IFT122: variants seen among roughly 807,000 people sequenced by gnomAD.
IFT122 encodes the protein intraflagellar transport protein 122 homolog.
In IFT122, 118 loss-of-function variants were observed where a neutral mutation model predicts 161.6. The ratio of observed to expected loss-of-function variants is 0.73; its 90% CI spans 0.63 to 0.85. IFT122 has a LOEUF of 0.85. Ranked by LOEUF, IFT122 falls within the 40% of genes least tolerant of loss-of-function variation. The probability of loss-of-function intolerance (pLI) is 0.00; values close to 1 mark genes in which losing one functional copy is unlikely to be tolerated. For synonymous variants in IFT122, 550 were observed against 602.4 expected, an observed-to-expected ratio of 0.91 and a Z score of 1.27; for missense variants, 1,381 against 1,579.6, an observed-to-expected ratio of 0.87 and a Z score of 2.13.
rs746129224 is a variant in IFT122 at position 129,514,414 on chromosome 3, C to A, written c.3013C>A (p.Gln1005Lys). ...GAAAATACTCTTCACCTTGGCCAAGCAGAGCAAGGCCCTCGGTGCCTACAG... is the reference window on the plus strand; with the variant it reads ...GAAAATACTCTTCACCTTGGCCAAGAAGAGCAAGGCCCTCGGTGCCTACAG... Reference protein sequence around the residue: ...KVKILFTLAKQSKALGAYRLA... With the variant: ...KVKILFTLAKKSKALGAYRLA... Residue 1005 changes from glutamine (Q) to lysine (K), a missense_variant, in exon 25 of 30, where the codon CAG (glutamine) becomes AAG (lysine). This residue lies in a region of IFT122 where 496 missense variants were observed against 502.5 expected (regional missense o/e 0.99). Coordinates refer to ENST00000348417, the MANE Select transcript of IFT122 (RefSeq NM_052989.3). 1.9e-6 allele frequency: 3 copies of A among 1,614,056 alleles called. No individual in the cohort carries two copies.
At chr3:129,507,609 A>G in intron 22 of IFT122, 59 bp from the exon 23 acceptor site, 2 of 1,349,606 alleles carry the variant, frequency 1.5e-6, no homozygotes, top group Non-Finnish European at 2.1e-6. Flanking sequence ...TCCTGGGGCC[A>G]GTTGGCAGCC....
At chr3:129,495,862 G>A (rs2080777671) in intron 18 of IFT122, among the ~76,000 whole-genome samples, 1 of 152,240 alleles carries the variant, frequency 6.6e-6, no homozygotes, top group Non-Finnish European at 1.5e-5. Flanking sequence ...AGGGCTGGAT[G>A]GCTGTGGGTC....
intron 9 of IFT122, among the ~76,000 whole-genome samples, chr3:129,470,207 CAG>C (rs922524763): frequency 5.3e-5 from 8 of 152,168 alleles, no homozygotes; most frequent in African/African-American, 1.7e-4. Flanking sequence ...GACCTGAAAA[CAG>C]AGCTGAAGAG....
At chr3:129,506,583 A>G (rs2082212959) in intron 22 of IFT122, 34 bp downstream of exon 22, 1 of 1,613,926 alleles carries the variant, frequency 6.2e-7, no homozygotes, top group Admixed American at 1.7e-5. Context: ...CTGTTTTCCC[A>G]AGCCCCACTC....
intron 3 of IFT122, among the ~76,000 whole-genome samples, chr3:129,454,552 T>TGTGTGTGTGTGC (rs2075248147): frequency 1.3e-5 from 2 of 151,214 alleles, no homozygotes; most frequent in Non-Finnish European, 2.9e-5. Flanking sequence ...TGTGTGTGTG[T>TGTGTGTGTGTGC]GTGTGCATGT....
rs2285351 is a variant in IFT122, at chr3:129,469,237, C to T, written c.741-105C>T. On this transcript the variant is annotated intron_variant, in intron 8 of 29. Coordinates refer to ENST00000348417, the MANE Select transcript of IFT122 (RefSeq NM_052989.3). ...TTCAGTAAAGCTGTACAACATTTGG[C>T]AACCTGAGGCCAGGACTTCCTTGTT... The T allele has an allele frequency of 0.04, 40,030 of 1,008,242 alleles. 4,614 individuals are homozygous for T. The highest frequency in any genetic ancestry group is 0.38 in the East Asian group (15,410 of 40,916). 62.5% of individuals were successfully genotyped at this position (1,008,242 alleles called of 1,614,324 possible). A position where few individuals can be genotyped will look rare whatever the true frequency, so the allele number is the denominator to read the frequency against.
Position 129,495,519 on chromosome 3 carries a change from A to T in IFT122, c.2120A>T (p.His707Leu). The T allele has an allele frequency of 1.2e-6, 2 of 1,614,224 alleles. No individual in the cohort carries two copies. The highest frequency in any genetic ancestry group is 1.7e-6 in the Non-Finnish European group (2 of 1,180,044). Reference protein sequence around the residue: ...ADVFSYQGKFHEAAKLYKRSG... With the variant: ...ADVFSYQGKFLEAAKLYKRSG... ...GTGTTTTCCTACCAGGGGAAGTTCC[A>T]TGAGGCCGCCAAACTGTACAAGAGG... Residue 707 changes from histidine to leucine, a missense_variant, in exon 18 of 30, where the codon CAT (histidine) becomes CTT (leucine). By Grantham distance (99) the His-to-Leu change is moderately conservative (BLOSUM62 -3). This residue lies in a region of IFT122 where 496 missense variants were observed against 502.5 expected (regional missense o/e 0.99). Coordinates refer to ENST00000348417, the MANE Select transcript of IFT122 (RefSeq NM_052989.3).
chr3:129,461,207 C>A, intron 4 of IFT122, 21 bp from the exon 5 acceptor site: 2 of 1,585,548 alleles, frequency 1.3e-6, no homozygotes, highest in Non-Finnish European at 1.7e-6. Context: ...GCATAGTAAT[C>A]TACAGTTGTT....
intron 19 of IFT122, 66 bp from the exon 20 acceptor site, chr3:129,502,645 T>G (rs1052685928): frequency 3.8e-6 from 6 of 1,569,884 alleles, no homozygotes; most frequent in Non-Finnish European, 4.3e-6. Context: ...ACAGAATGAA[T>G]GGACATACGG....
At chr3:129,502,429 G>A (rs1188326193) in intron 19 of IFT122, among the ~76,000 whole-genome samples, 1 of 152,182 alleles carries the variant, frequency 6.6e-6, no homozygotes, top group Non-Finnish European at 1.5e-5. Context: ...CTGGGTACCT[G>A]GTAGGGGATT....
At chr3:129,502,998 G>C in intron 20 of IFT122, 116 bp downstream of exon 20, 1 of 927,948 alleles carries the variant, frequency 1.1e-6, no homozygotes. Flanking sequence ...CGTGATGGAA[G>C]GAACATTGGG....
intron 9 of IFT122, among the ~76,000 whole-genome samples, chr3:129,470,361 T>TCACGCCATTCTCCTACCTC (rs2077235787): frequency 6.6e-6 from 1 of 152,062 alleles, no homozygotes; most frequent in Non-Finnish European, 1.5e-5. Flanking sequence ...CCTCCTGGGT[T>TCACGCCATTCTCCTACCTC]CACGCCATTC....
chr3:129,514,226 C>T (rs2083185656), intron 24 of IFT122, 163 bp from the exon 25 acceptor site: 2 of 768,672 alleles, frequency 2.6e-6, no homozygotes, highest in Non-Finnish European at 4.5e-6. Flanking sequence ...CCGAGAAGTA[C>T]ACTCACCTCT....
intron 3 of IFT122, among the ~76,000 whole-genome samples, chr3:129,452,633 G>A (rs1241045419): frequency 6.6e-6 from 1 of 152,212 alleles, no homozygotes; most frequent in African/African-American, 2.4e-5. Context: ...ATCGGGAATT[G>A]TAGAGGATGA....
intron 12 of IFT122, 129 bp from the exon 13 acceptor site, chr3:129,479,656 A>G (rs1370170521): frequency 5.0e-5 from 58 of 1,167,550 alleles, no homozygotes; most frequent in South Asian, 2.4e-4. Context: ...TGGGGTCTAC[A>G]TTGGGTTAGA....
At position 129,504,339 on chromosome 3, in the gene IFT122, G is replaced by C; in HGVS notation, c.2568G>C (p.Lys856Asn). The C allele has an allele frequency of 6.2e-7, 1 of 1,613,962 alleles. No homozygotes were observed. Among genetic ancestry groups the C allele is most frequent in the Non-Finnish European group, 8.5e-7 (1 of 1,179,886 alleles). ...RWDEAFALGE[K>N]HPEFKDDIYM... ...CCCAGGCCTTTGCTTTGGGTGAGAA[G>C]CATCCTGAGTTTAAGGATGACATCT... Residue 856 changes from lysine (K) to asparagine (N), a missense_variant, in exon 21 of 30, where the codon AAG (lysine) becomes AAC (asparagine). Around this residue, in one of 7 missense-constraint regions of IFT122, gnomAD observed 496 missense variants for 502.5 expected, o/e 0.99. Coordinates refer to ENST00000348417, the MANE Select transcript of IFT122 (RefSeq NM_052989.3).
intron 1 of IFT122, among the ~76,000 whole-genome samples, chr3:129,443,112 T>C (rs2073488612): frequency 2.6e-5 from 4 of 152,222 alleles, no homozygotes; most frequent in Admixed American, 6.5e-5. Flanking sequence ...ATAGGTGTTA[T>C]CATGTTTAAT....
At chr3:129,463,245 TTG>T in intron 5 of IFT122, 2 of 360,074 alleles carry the variant, frequency 5.6e-6, no homozygotes, top group Non-Finnish European at 1.1e-5. Context: ...CATGTGTAGA[TTG>T]CCATCAGCGT....
chr3:129,474,005 A>G (rs1307766924), intron 9 of IFT122, among the ~76,000 whole-genome samples: 3 of 152,254 alleles, frequency 2.0e-5, no homozygotes, highest in Non-Finnish European at 4.4e-5. Flanking sequence ...GTCGTGATTC[A>G]TAAGAATTTT....
Sources: allele counts gnomAD v4.1 joint callset (sites outside exome capture counted in the v4.1 genomes callset), GRCh38; gene constraint gnomAD v4.1.1; regional missense constraint gnomAD v4.1.1; transcripts MANE v1.5; gene names NCBI Gene and HGNC (gene_info 2026-07-23, HGNC 2026-07-21).